Variants in CDH23 observed in about 807,000 individuals in gnomAD.
CDH23 encodes cadherin related 23.
A neutral mutation model predicts 317.1 loss-of-function variants in CDH23; 189 were observed. That is an observed-to-expected ratio of 0.60 (90% confidence interval 0.53 to 0.67). The LOEUF (loss-of-function observed/expected upper bound fraction) is 0.67, where lower values mean the gene tolerates loss of function less well. Among genes scored for constraint, CDH23 ranks in the 30% least tolerant of loss-of-function variants. The probability of loss-of-function intolerance (pLI) is 0.00; values close to 1 mark genes in which losing one functional copy is unlikely to be tolerated. For missense variants in CDH23, 4,401 were observed against 4,592.4 expected, an observed-to-expected ratio of 0.96 and a Z score of 1.20; for synonymous variants, 1,839 against 1,876.8, an observed-to-expected ratio of 0.98 and a Z score of 0.52.
intron 7 of CDH23, 91 bp downstream of exon 7, chr10:71,567,027 A>G: frequency 2.6e-6 from 3 of 1,154,226 alleles, no homozygotes; most frequent in East Asian, 5.0e-5. Context: ...ACATTGACCC[A>G]GTGGCACACA....
At chr10:71,700,765 C>G (rs10999962) in intron 22 of CDH23, among the ~76,000 whole-genome samples, 91,397 of 152,012 alleles carry the variant, frequency 0.6, 27,780 homozygotes, top group East Asian at 0.68. Context: ...ATTCAGCCCT[C>G]CATCAGCCTC....
chr10:71,481,740 G>T (rs1852077430), intron 3 of CDH23, among the ~76,000 whole-genome samples: 1 of 152,206 alleles, frequency 6.6e-6, no homozygotes, highest in African/African-American at 2.4e-5. Flanking sequence ...ATTCCATCCT[G>T]AGCCAAGCTC....
At chr10:71,784,870 C>T in intron 42 of CDH23, 21 bp from the exon 43 acceptor site, 1 of 1,605,564 alleles carries the variant, frequency 6.2e-7, no homozygotes, top group South Asian at 1.1e-5. Flanking sequence ...CCCCTCCCTC[C>T]TCCTTCTCTG....
At chr10:71,697,351 A>G (rs377113210) in intron 22 of CDH23, among the ~76,000 whole-genome samples, 1 of 152,132 alleles carries the variant, frequency 6.6e-6, no homozygotes, top group African/African-American at 2.4e-5. Flanking sequence ...GCCAGGCCCC[A>G]CGCTTGTCAG....
At chr10:71,646,415 G>A (rs752668196) in intron 13 of CDH23, 44 bp from the exon 14 acceptor site, 8 of 1,603,790 alleles carry the variant, frequency 5.0e-6, no homozygotes, top group Non-Finnish European at 6.8e-6. Flanking sequence ...ACTCTGGGAG[G>A]GGACATGTGG....
At chr10:71,437,033 C>G (rs1849653769) in intron 1 of CDH23, among the ~76,000 whole-genome samples, 1 of 152,248 alleles carries the variant, frequency 6.6e-6, no homozygotes, top group Non-Finnish European at 1.5e-5. Flanking sequence ...GCATCTTGCT[C>G]AACCCCGCTA....
At chr10:71,760,684 A>G in intron 38 of CDH23, 1 of 619,246 alleles carries the variant, frequency 1.6e-6, no homozygotes, top group Non-Finnish European at 2.9e-6. Flanking sequence ...ATGGAAGGAG[A>G]GTGGGCTTCT....
chr10:71,800,680 C>T lies in CDH23; in HGVS notation c.7407C>T (p.Asp2469=), dbSNP rs535285481. The part of the protein sequence containing the change: ...VLSSLDREKK[D]HYILTALAKD... The stretch of plus-strand genomic sequence containing the variant: ...CTTCTCTGGACCGGGAGAAGAAGGA[C>T]CACTATATCCTGACTGCCTTGGCCA... Residue 2469 remains aspartate (D), a synonymous_variant, in exon 53 of 70, where the codon GAC becomes GAT. Transcript: ENST00000224721. 1 of 1,613,944 alleles carries T rather than the reference C, an allele frequency of 6.2e-7. No individual in the cohort carries two copies. Among genetic ancestry groups the T allele is most frequent in the East Asian group, 2.2e-5 (1 of 44,884 alleles).
intron 27 of CDH23, among the ~76,000 whole-genome samples, chr10:71,709,606 G>A (rs1865902662): frequency 6.6e-6 from 1 of 152,156 alleles, no homozygotes; most frequent in Admixed American, 6.5e-5. Flanking sequence ...GACCCTTTCA[G>A]TTGAAAATTT....
chr10:71,512,645 C>G (rs1854060605), intron 6 of CDH23, among the ~76,000 whole-genome samples: 1 of 152,178 alleles, frequency 6.6e-6, no homozygotes, highest in Non-Finnish European at 1.5e-5. Context: ...GCCGCACTGG[C>G]AAGGAGACGA....
At chr10:71,474,635 G>A (rs571461617) in intron 3 of CDH23, among the ~76,000 whole-genome samples, 129 of 152,332 alleles carry the variant, frequency 8.5e-4, no homozygotes, top group Non-Finnish European at 1.4e-3. Flanking sequence ...AGGGGCACGG[G>A]GTGGGTGAGA....
chr10:71,570,629 C>G (rs1857725572), intron 7 of CDH23, among the ~76,000 whole-genome samples, 161 bp from the exon 8 acceptor site: 1 of 152,200 alleles, frequency 6.6e-6, no homozygotes, highest in African/African-American at 2.4e-5. Flanking sequence ...TTTTACTAAG[C>G]CCTTCCCTGC....
chr10:71,732,330 C>T lies in CDH23; in HGVS notation c.4059C>T (p.Tyr1353=), dbSNP rs1222468124. The T allele has an allele frequency of 6.3e-7, 1 of 1,589,290 alleles. No individual in the cohort carries two copies. The highest frequency in any genetic ancestry group is 8.6e-7 in the Non-Finnish European group (1 of 1,167,442). Residue 1353 remains tyrosine, a synonymous_variant, in exon 32 of 70, where the codon TAC becomes TAT. Transcript: ENST00000224721. Reference sequence around the variant, plus strand: ...AAATCACGTACCGCTTCAACGCCTACACCAGCACCCAGGCCAAAGCCCTCT... The same window carrying T: ...AAATCACGTACCGCTTCAACGCCTATACCAGCACCCAGGCCAAAGCCCTCT... ...LNQITYRFNA[Y]TSTQAKALFK...
chr10:71,796,921 G>T, intron 48 of CDH23, 183 bp from the exon 49 acceptor site: 1 of 554,896 alleles, frequency 1.8e-6, no homozygotes, highest in Non-Finnish European at 3.3e-6. Flanking sequence ...TCATGGGAGG[G>T]GCAGAGCCAC....
chr10:71,507,962 C>G (rs1299331336), intron 3 of CDH23, among the ~76,000 whole-genome samples: 1 of 152,220 alleles, frequency 6.6e-6, no homozygotes, highest in African/African-American at 2.4e-5. Context: ...GCTTTTCCAA[C>G]TCCGAAATGG....
intron 3 of CDH23, among the ~76,000 whole-genome samples, chr10:71,504,726 G>A (rs771408932): frequency 2.6e-5 from 4 of 152,202 alleles, no homozygotes; most frequent in African/African-American, 4.8e-5. Flanking sequence ...ATCCTGGGAC[G>A]GGTGGAGCTT....
chr10:71,750,215 A>G (rs1369355634), intron 38 of CDH23: 1 of 151,134 alleles, frequency 6.6e-6, no homozygotes, highest in East Asian at 1.9e-4. Context: ...TGAAGCGAAG[A>G]CTCCACCAGG....
At chr10:71,577,819 C>A in intron 8 of CDH23, 95 bp from the exon 9 acceptor site, 1 of 1,083,508 alleles carries the variant, frequency 9.2e-7, no homozygotes, top group Non-Finnish European at 1.4e-6. Flanking sequence ...CAGCCAGGAT[C>A]AGCCTGGGGA....
intron 30 of CDH23, among the ~76,000 whole-genome samples, chr10:71,728,550 G>C (rs1030582210): frequency 1.4e-4 from 22 of 152,210 alleles, no homozygotes; most frequent in African/African-American, 5.1e-4. Context: ...GCTGATCCCA[G>C]AGGCAGTGAC....
Sources: allele counts gnomAD v4.1 joint callset (sites outside exome capture counted in the v4.1 genomes callset), GRCh38; gene constraint gnomAD v4.1.1; transcripts MANE v1.5; gene names NCBI Gene and HGNC (gene_info 2026-07-23, HGNC 2026-07-21).